The following CCN3 variants were observed in gnomAD, a reference collection of about 807,000 sequenced individuals.
The protein encoded by CCN3 is CCN family member 3.
Under a neutral mutation model 33.4 loss-of-function variants are expected in CCN3, and 20 were observed. That is an observed-to-expected ratio of 0.60 (90% CI 0.42 to 0.87). CCN3 has a LOEUF of 0.87. Ranked by LOEUF, CCN3 falls within the 40% of genes least tolerant of loss-of-function variation. The probability of loss-of-function intolerance (pLI) is 0.00; values close to 1 mark genes in which losing one functional copy is unlikely to be tolerated. For synonymous variants in CCN3, 205 were observed against 170.4 expected (o/e 1.20, Z -1.58); for missense variants, 465 against 455.3 (o/e 1.02, Z -0.19).
At chr8:119,417,972 C>T in intron 2 of CCN3, 86 bp from the exon 3 acceptor site, 1 of 1,420,236 alleles carries the variant, frequency 7.0e-7, no homozygotes, top group African/African-American at 1.4e-5. Context: ...ACATGCCCTC[C>T]AAATCTTACA....
chr8:119,423,403 T>G lies in CCN3; in HGVS notation c.*271T>G. ...ATTACAAATGCAAATTTCTATAAATTTAAGAAAACAAGTATATAATTTACT... is the reference window on the plus strand; with the variant it reads ...ATTACAAATGCAAATTTCTATAAATGTAAGAAAACAAGTATATAATTTACT... On this transcript the variant is annotated 3_prime_UTR_variant, in exon 5 of 5. Transcript: ENST00000259526. 2.8e-6 allele frequency: 1 copy of G among 353,176 alleles called. No individual in the cohort carries two copies. The highest frequency in any genetic ancestry group is 5.2e-6 in the Non-Finnish European group (1 of 192,960). 21.9% of individuals were successfully genotyped at this position (353,176 alleles called of 1,614,324 possible).
At chr8:119,417,980 A>G (rs958167706) in intron 2 of CCN3, 78 bp from the exon 3 acceptor site, 1 of 1,448,028 alleles carries the variant, frequency 6.9e-7, no homozygotes. Flanking sequence ...TCCAAATCTT[A>G]CATAGCTTCT....
At position 119,423,977 on chromosome 8, in the gene CCN3, C is replaced by G. The variant is rs1050064089; in HGVS notation, c.*845C>G. 1.3e-5 allele frequency: 2 copies of G among 152,168 alleles called. No homozygotes were observed. Among genetic ancestry groups the G allele is most frequent in the African/African-American group, 4.8e-5 (2 of 41,430 alleles). 9.4% of individuals were successfully genotyped at this position (152,168 alleles called of 1,614,324 possible). On this transcript the variant is annotated 3_prime_UTR_variant, in exon 5 of 5. Transcript: ENST00000259526. ...AGTAAACTGAGGCCCAAAGCACTTG[C>G]TTACATCCTCTGATAGCTGTTTCAA... is the stretch of plus-strand genomic sequence containing the variant.
chr8:119,422,170 GAA>G (rs1251414769), intron 4 of CCN3, among the ~76,000 whole-genome samples: 2 of 152,040 alleles, frequency 1.3e-5, no homozygotes, highest in East Asian at 1.9e-4. Context: ...GAGAGAGAGA[GAA>G]AGAGAGAGAG....
chr8:119,419,391 T>G, intron 4 of CCN3, 46 bp downstream of exon 4: 1 of 1,578,550 alleles, frequency 6.3e-7, no homozygotes, highest in Non-Finnish European at 8.7e-7. Flanking sequence ...AATGGCCTTG[T>G]GTCCTTGGAG....
rs568438467 is a variant in CCN3, at chr8:119,424,251, C to T, written c.*1119C>T. 6.6e-6 allele frequency: 1 copy of T among 152,262 alleles called. No homozygotes were observed. Among genetic ancestry groups the T allele is most frequent in the South Asian group, 2.1e-4 (1 of 4,814 alleles). The allele number at this position is 152,262 out of a possible 1,614,324, so 9.4% of individuals were successfully genotyped here. On this transcript the variant is annotated 3_prime_UTR_variant, in exon 5 of 5. Coordinates refer to ENST00000259526, the MANE Select transcript of CCN3 (RefSeq NM_002514.4). Reference sequence around the variant, plus strand: ...TAATGCCACCACACGTGTTCCGCTTCTCTCTTTTAAAGTATTTATAAAAAT... The same window carrying T: ...TAATGCCACCACACGTGTTCCGCTTTTCTCTTTTAAAGTATTTATAAAAAT...
intron 3 of CCN3, 62 bp downstream of exon 3, chr8:119,418,371 T>C (rs758980507): frequency 9.6e-6 from 15 of 1,558,480 alleles, no homozygotes; most frequent in Non-Finnish European, 1.3e-5. Flanking sequence ...CATGAAGAAT[T>C]TGCAATCTCT....
In CCN3 at chr8:119,416,953, G is replaced by C. The variant is rs1820059900; in HGVS notation, c.294G>C (p.Gln98His). Reference sequence around the variant, plus strand: ...ATCGCAGCGCGGACCCCAGCAACCAGACTGGCATCTGCACGGGTAATCCTG... The same window carrying C: ...ATCGCAGCGCGGACCCCAGCAACCACACTGGCATCTGCACGGGTAATCCTG... ...YCDRSADPSN[Q>H]TGICTAVEGD... Residue 98 changes from glutamine to histidine, a missense_variant, in exon 2 of 5, where the codon CAG becomes CAC. Gln to His is a conservative substitution (Grantham distance 24). Transcript: ENST00000259526. 1 of 1,612,564 alleles carries C rather than the reference G, an allele frequency of 6.2e-7. No individual in the cohort carries two copies. Among genetic ancestry groups the C allele is most frequent in the Non-Finnish European group, 8.5e-7 (1 of 1,178,946 alleles).
intron 2 of CCN3, among the ~76,000 whole-genome samples, chr8:119,417,693 C>T (rs920778404): frequency 3.9e-5 from 6 of 152,186 alleles, no homozygotes; most frequent in Non-Finnish European, 8.8e-5. Context: ...ATAAAGTACA[C>T]TTTTTCTCTT....
rs1281098119 is a variant in CCN3, at chr8:119,418,104, T to C, written c.357T>C (p.Ser119=). The change falls in exon 3 of 5, where the codon AGT becomes AGC. Residue 119 remains serine (S), a synonymous_variant. Transcript: ENST00000259526. Reference sequence around the variant, plus strand: ...TGTTCGATGGGGTCATCTACCGCAGTGGAGAGAAATTTCAGCCAAGCTGCA... The same window carrying C: ...TGTTCGATGGGGTCATCTACCGCAGCGGAGAGAAATTTCAGCCAAGCTGCA... The part of the protein sequence containing the change: ...NCVFDGVIYR[S]GEKFQPSCKF... The C allele has an allele frequency of 7.4e-6, 12 of 1,614,060 alleles. No individual in the cohort carries two copies. The highest frequency in any genetic ancestry group is 1.7e-5 in the Admixed American group (1 of 60,004).
intron 2 of CCN3, among the ~76,000 whole-genome samples, chr8:119,417,708 A>G (rs1820070502): frequency 1.3e-5 from 2 of 152,166 alleles, no homozygotes; most frequent in South Asian, 4.1e-4. Flanking sequence ...TCTCTTTTTA[A>G]GTCTAAGCTG....
chr8:119,419,619 T>A (rs1820097724), intron 4 of CCN3, among the ~76,000 whole-genome samples: 1 of 152,266 alleles, frequency 6.6e-6, no homozygotes, highest in African/African-American at 2.4e-5. Context: ...GAGAATGGTC[T>A]AGCAAATCCC....
intron 4 of CCN3, 140 bp downstream of exon 4, chr8:119,419,485 G>C: frequency 1.3e-6 from 1 of 766,704 alleles, no homozygotes; most frequent in South Asian, 1.8e-5. Flanking sequence ...AAAGGCAGTG[G>C]GGTTCTTGAA....
intron 4 of CCN3, chr8:119,419,930 TA>T (rs1159121448): frequency 8.5e-5 from 13 of 152,894 alleles, no homozygotes; most frequent in African/African-American, 2.9e-4. Context: ...CATATCTTTT[TA>T]TTTTTTTTTT....
rs766032319 is a variant in CCN3, at chr8:119,416,453, G to T, written c.-80G>T. On this transcript the variant is annotated 5_prime_UTR_variant, in exon 1 of 5. Transcript: ENST00000259526. ...GTGCTGGGCGTGATCGGCAAGCACC[G>T]GACCAGGGGGAAGGCGAGCAGTGCC... The T allele has an allele frequency of 7.2e-7, 1 of 1,386,714 alleles. No homozygotes were observed. The highest frequency in any genetic ancestry group is 1.4e-5 in the African/African-American group (1 of 70,774). The allele number at this position is 1,386,714 out of a possible 1,614,324, so 85.9% of individuals were successfully genotyped here. A position where few individuals can be genotyped will look rare whatever the true frequency, so the allele number is the denominator to read the frequency against.
intron 2 of CCN3, chr8:119,417,213 C>T (rs1156538960): frequency 2.0e-6 from 1 of 492,852 alleles, no homozygotes; most frequent in Non-Finnish European, 3.6e-6. Flanking sequence ...CACTTGGCTT[C>T]CTAGACAAGA....
chr8:119,418,405 CTCAGTTTCTGGTCAT>C (rs1820082317), intron 3 of CCN3, 96 bp downstream of exon 3: 1 of 1,467,828 alleles, frequency 6.8e-7, no homozygotes, highest in Non-Finnish European at 9.2e-7. Flanking sequence ...AGAAACTGGC[CTCAGTTTCTGGTCAT>C]TCAGTTGTGG....
Position 119,424,013 on chromosome 8 carries a change from TG to T in CCN3, c.*882del, listed in dbSNP as rs1820161612. 2 of 152,360 alleles carry T rather than the reference TG, an allele frequency of 1.3e-5. No individual in the cohort carries two copies. Among genetic ancestry groups the T allele is most frequent in the African/African-American group, 4.8e-5 (2 of 41,584 alleles). The allele number at this position is 152,360 out of a possible 1,614,324, so 9.4% of individuals were successfully genotyped here. ...TGATAGCTGTTTCAAATGTGCATTT[TG>T]TGGAATTTTGAGAAAAATAGAGCAA... On this transcript the variant is annotated 3_prime_UTR_variant, in exon 5 of 5. Coordinates refer to ENST00000259526, the MANE Select transcript of CCN3 (RefSeq NM_002514.4).
chr8:119,423,128 T>C lies in CCN3; in HGVS notation c.1070T>C (p.Met357Thr), dbSNP rs755806829. 6.2e-7 allele frequency: 1 copy of C among 1,611,490 alleles called. No homozygotes were observed. The highest frequency in any genetic ancestry group is 1.1e-5 in the South Asian group (1 of 90,984). Residue 357 changes from methionine (M) to threonine (T), a missense_variant, in exon 5 of 5, where the codon ATG (methionine) becomes ACG (threonine). Physicochemically the swap from Met to Thr is moderately conservative, Grantham distance 81. Transcript: ENST00000259526. Reference protein sequence around the residue: ...ELELKTTRGKM With the variant: ...ELELKTTRGKT ...GAGCTGAAGACTACCAGAGGGAAAA[T>C]GTAACCTGTCACTCAAGAAGCACAC...
Sources: allele counts gnomAD v4.1 joint callset (sites outside exome capture counted in the v4.1 genomes callset), GRCh38; gene constraint gnomAD v4.1.1; transcripts MANE v1.5; gene names NCBI Gene and HGNC (gene_info 2026-07-23, HGNC 2026-07-21).